The following NUP188 variants were observed in gnomAD, a reference collection of about 807,000 sequenced individuals.
NUP188 encodes nucleoporin 188, also known as nucleoporin NUP188.
Under a neutral mutation model 223.0 loss-of-function variants are expected in NUP188, and 97 were observed. The observed-to-expected ratio is 0.43, with a 90% CI of 0.37 to 0.51. The LOEUF (loss-of-function observed/expected upper bound fraction) is 0.51, where lower values mean the gene tolerates loss of function less well. Ranked by LOEUF, NUP188 falls within the 20% of genes least tolerant of loss-of-function variation. The pLI is 0.00. For synonymous variants in NUP188, 869 were observed against 828.0 expected, an observed-to-expected ratio of 1.05 and a Z score of -0.85; for missense variants, 1,947 against 2,175.6, an observed-to-expected ratio of 0.89 and a Z score of 2.09.
intron 37 of NUP188, 23 bp downstream of exon 37, chr9:129,002,998 G>A: frequency 6.2e-7 from 1 of 1,612,066 alleles, no homozygotes; most frequent in Non-Finnish European, 8.5e-7. Flanking sequence ...CTGCATTGCA[G>A]GGGTGGGAGT....
At position 128,958,791 on chromosome 9, in the gene NUP188, G is replaced by A; in HGVS notation, c.373-11G>A. ...AGGTGAGTAACTGATTTTGAATTTTGGGTTCCTCAGATTGCAGATTATTAT... is the reference window on the plus strand; with the variant it reads ...AGGTGAGTAACTGATTTTGAATTTTAGGTTCCTCAGATTGCAGATTATTAT... On this transcript the variant is annotated splice_polypyrimidine_tract_variant and intron_variant, in intron 6 of 43. Transcript: ENST00000372577. 1 of 1,515,232 alleles carries A rather than the reference G, an allele frequency of 6.6e-7. No homozygotes were observed. The highest frequency in any genetic ancestry group is 9.0e-7 in the Non-Finnish European group (1 of 1,109,716). The allele number at this position is 1,515,232 out of a possible 1,614,324, so 93.9% of individuals were successfully genotyped here.
intron 32 of NUP188, 83 bp from the exon 33 acceptor site, chr9:128,999,089 G>T: frequency 8.9e-7 from 1 of 1,125,060 alleles, no homozygotes. Flanking sequence ...CTGACCTCAG[G>T]TGATCCACCC....
chr9:128,986,613 T>C lies in NUP188; in HGVS notation c.2132T>C (p.Leu711Pro). Residue 711 changes from leucine to proline, a missense_variant, in exon 21 of 44, where the codon CTG (leucine) becomes CCG (proline). Leu to Pro is a moderately conservative substitution (Grantham distance 98). Coordinates refer to ENST00000372577, the MANE Select transcript of NUP188 (RefSeq NM_015354.3). ...QGLVPCVMFVLKEMLPSYHKW... is the reference protein window; with the variant it reads ...QGLVPCVMFVPKEMLPSYHKW... ...CTTGTACCCTGTGTAATGTTTGTGC[T>C]GAAGGAGATGCTTCCCAGCTACCAT... 3.1e-6 allele frequency: 5 copies of C among 1,614,214 alleles called. No homozygotes were observed. Among genetic ancestry groups the C allele is most frequent in the South Asian group, 1.1e-5 (1 of 91,084 alleles).
intron 3 of NUP188, among the ~76,000 whole-genome samples, chr9:128,956,071 CTT>C (rs1439687756): frequency 2.0e-5 from 3 of 151,902 alleles, no homozygotes; most frequent in South Asian, 2.1e-4. Context: ...AATAATGTAA[CTT>C]AATGTGTTTA....
chr9:128,980,696 C>T lies in NUP188; in HGVS notation c.1360C>T (p.Leu454=), dbSNP rs748328858. The T allele has an allele frequency of 6.2e-7, 1 of 1,614,092 alleles. No homozygotes were observed. The highest frequency in any genetic ancestry group is 8.5e-7 in the Non-Finnish European group (1 of 1,180,016). Residue 454 remains leucine, a synonymous_variant, in exon 14 of 44, where the codon CTG becomes TTG. Coordinates refer to ENST00000372577, the MANE Select transcript of NUP188 (RefSeq NM_015354.3). ...CCCACTCCTGCAACTGCTCCGAGCC[C>T]TGGTATCAGGGAAGTCCACAGCCAA... ...LSPLLQLLRA[L]VSGKSTAKKV...
At chr9:128,954,470 T>C (rs1460054692) in intron 3 of NUP188, among the ~76,000 whole-genome samples, 1 of 150,358 alleles carries the variant, frequency 6.7e-6, no homozygotes, top group Non-Finnish European at 1.5e-5. Flanking sequence ...CTGCAAGCTC[T>C]GCCTCCCGGG....
At chr9:128,960,981 A>T (rs1177604535) in intron 8 of NUP188, among the ~76,000 whole-genome samples, 1 of 150,108 alleles carries the variant, frequency 6.7e-6, no homozygotes, top group Non-Finnish European at 1.5e-5. Context: ...GCTACTCAGG[A>T]GGCTGGAGTG....
chr9:129,000,579 A>G (rs1225210453), intron 34 of NUP188, among the ~76,000 whole-genome samples: 1 of 151,856 alleles, frequency 6.6e-6, no homozygotes, highest in Non-Finnish European at 1.5e-5. Flanking sequence ...TGATCTCCCA[A>G]AGTGCTGGGA....
chr9:128,982,726 AC>A, intron 16 of NUP188, 25 bp downstream of exon 16: 1 of 1,611,098 alleles, frequency 6.2e-7, no homozygotes, highest in Non-Finnish European at 8.5e-7. Context: ...CGGAAACATC[AC>A]CTACGAGGAG....
chr9:128,954,246 G>T (rs868016838), intron 3 of NUP188, among the ~76,000 whole-genome samples: 1 of 150,844 alleles, frequency 6.6e-6, no homozygotes, highest in Non-Finnish European at 1.5e-5. Context: ...ATGGAGTCTC[G>T]CTTTGTGGCC....
chr9:128,960,534 A>G (rs1841933774), intron 8 of NUP188, among the ~76,000 whole-genome samples: 1 of 152,192 alleles, frequency 6.6e-6, no homozygotes. Context: ...TTTCTGTCTC[A>G]GAAAGTTTGC....
intron 2 of NUP188, 127 bp downstream of exon 2, chr9:128,949,370 T>C (rs1841743631): frequency 3.0e-6 from 2 of 667,180 alleles, no homozygotes; most frequent in Non-Finnish European, 5.2e-6. Context: ...TTCGCTCTTG[T>C]TTCCCAGGCT....
rs1436121677 is a variant in NUP188, at chr9:128,969,477, A to G, written c.875A>G (p.Glu292Gly). Residue 292 changes from glutamate (E) to glycine (G), a missense_variant, in exon 10 of 44, where the codon GAA becomes GGA. This residue lies in a region of NUP188 where 817 missense variants were observed against 865.8 expected (regional missense o/e 0.94). Transcript: ENST00000372577. Reference protein sequence around the residue: ...LHKCALDDRRELHQFAQDGLI... With the variant: ...LHKCALDDRRGLHQFAQDGLI... Reference sequence around the variant, plus strand: ...AAGTGTGCTTTGGATGACAGAAGAGAACTGCATCAGTTTGCGCAGGATGGG... The same window carrying G: ...AAGTGTGCTTTGGATGACAGAAGAGGACTGCATCAGTTTGCGCAGGATGGG... 1 of 1,593,834 alleles carries G rather than the reference A, an allele frequency of 6.3e-7. No individual in the cohort carries two copies. Among genetic ancestry groups the G allele is most frequent in the Admixed American group, 1.9e-5 (1 of 53,990 alleles).
At chr9:128,964,490 TAGCTGGGACTACA>T (rs763563583) in intron 8 of NUP188, among the ~76,000 whole-genome samples, 87 of 151,596 alleles carry the variant, frequency 5.7e-4, no homozygotes, top group Non-Finnish European at 8.0e-4. Flanking sequence ...GCCCCACAAG[TAGCTGGGACTACA>T]AGCGGGTACC....
At chr9:128,989,354 A>G (rs894782349) in intron 24 of NUP188, among the ~76,000 whole-genome samples, 6 of 151,838 alleles carry the variant, frequency 4.0e-5, no homozygotes, top group African/African-American at 1.5e-4. Flanking sequence ...GTGAGCCATG[A>G]TTTTGCCACT....
In NUP188 at chr9:128,981,409, C is replaced by T. The variant is rs745965834; in HGVS notation, c.1516+19C>T. On this transcript the variant is annotated intron_variant, in intron 15 of 43. Coordinates refer to ENST00000372577, the MANE Select transcript of NUP188 (RefSeq NM_015354.3). ...CCCCTTGGTGAGATAAAGAGATCCC[C>T]CTTTTATGACAGCTTTTTTTTTTTT... 2 of 1,582,778 alleles carry T rather than the reference C, an allele frequency of 1.3e-6. No homozygotes were observed. Among genetic ancestry groups the T allele is most frequent in the Non-Finnish European group, 1.7e-6 (2 of 1,171,080 alleles).
chr9:128,964,706 A>ATTT (rs112671736), intron 8 of NUP188, among the ~76,000 whole-genome samples: 5 of 129,460 alleles, frequency 3.9e-5, no homozygotes, highest in Non-Finnish European at 6.5e-5. Context: ...TTTAATTTTA[A>ATTT]TTTTTTTTTT....
intron 34 of NUP188, among the ~76,000 whole-genome samples, chr9:129,000,627 A>AT (rs1250706140): frequency 1.3e-5 from 2 of 151,970 alleles, no homozygotes; most frequent in Non-Finnish European, 2.9e-5. Context: ...CACAACCAGC[A>AT]TTTTTTTAAA....
chr9:128,975,213 T>G (rs1053045173), intron 12 of NUP188, among the ~76,000 whole-genome samples: 39 of 150,976 alleles, frequency 2.6e-4, no homozygotes, highest in African/African-American at 9.5e-4. Context: ...TTAATTAATT[T>G]CTTTTTCTTT....
Sources: allele counts gnomAD v4.1 joint callset (sites outside exome capture counted in the v4.1 genomes callset), GRCh38; gene constraint gnomAD v4.1.1; regional missense constraint gnomAD v4.1.1; transcripts MANE v1.5; gene names NCBI Gene and HGNC (gene_info 2026-07-23, HGNC 2026-07-21).